The following PTPRD variants were observed in gnomAD, a reference collection of about 807,000 sequenced individuals.
The protein encoded by PTPRD is receptor-type tyrosine-protein phosphatase delta.
PTPRD carries 34 observed loss-of-function variants against 214.5 expected under a neutral mutation model. The ratio of observed to expected loss-of-function variants is 0.16; its 90% CI spans 0.12 to 0.21. The LOEUF (loss-of-function observed/expected upper bound fraction) is 0.21, where lower values mean the gene tolerates loss of function less well. Among genes scored for constraint, PTPRD ranks in the 10% least tolerant of loss-of-function variants. The probability of loss-of-function intolerance (pLI) is 1.00; values close to 1 mark genes in which losing one functional copy is unlikely to be tolerated. For synonymous variants in PTPRD, 1,128 were observed against 845.7 expected (o/e 1.33, Z -5.79); for missense variants, 2,545 against 2,398.7 (o/e 1.06, Z -1.27).
chr9:8,325,841 C>T (rs898637981), intron 44 of PTPRD, among the ~76,000 whole-genome samples: 4 of 152,064 alleles, frequency 2.6e-5, no homozygotes, highest in African/African-American at 7.2e-5. Flanking sequence ...TTTTTTGAAG[C>T]AATTGTGAAT....
chr9:8,343,573 C>A (rs896352902), intron 39 of PTPRD, among the ~76,000 whole-genome samples: 1 of 151,966 alleles, frequency 6.6e-6, no homozygotes, highest in Non-Finnish European at 1.5e-5. Flanking sequence ...GGCGAGTTTT[C>A]CCTGACATTC....
intron 14 of PTPRD, among the ~76,000 whole-genome samples, chr9:8,626,570 C>T (rs1397417503): frequency 5.3e-5 from 8 of 151,700 alleles, no homozygotes; most frequent in Non-Finnish European, 5.9e-5. Context: ...TTTTTGGATG[C>T]GATTAACATT....
chr9:9,394,020 A>T (rs190120479), intron 9 of PTPRD, among the ~76,000 whole-genome samples: 1 of 152,284 alleles, frequency 6.6e-6, no homozygotes, highest in Admixed American at 6.5e-5. Context: ...AACCTTTTTC[A>T]TTAAGACATT....
At chr9:10,097,346 A>G (rs4357352) in intron 3 of PTPRD, among the ~76,000 whole-genome samples, 8,527 of 80,100 alleles carry the variant, frequency 0.11, 747 homozygotes, top group East Asian at 0.17. Context: ...CCATTTTCAC[A>G]ACATTGATTC....
At chr9:9,776,195 G>A (rs546352007) in intron 5 of PTPRD, among the ~76,000 whole-genome samples, 8 of 152,128 alleles carry the variant, frequency 5.3e-5, no homozygotes, top group Non-Finnish European at 8.8e-5. Context: ...TTTCATTTTT[G>A]AATGTTTAGA....
intron 4 of PTPRD, among the ~76,000 whole-genome samples, chr9:9,969,830 C>G (rs748568368): frequency 1.8e-4 from 27 of 152,166 alleles, no homozygotes; most frequent in Admixed American, 1.3e-4. Context: ...TCTTCCCACC[C>G]AAGCCCAGTT....
intron 11 of PTPRD, among the ~76,000 whole-genome samples, chr9:8,936,440 A>AAAAAAAAAAAAAAAAAAG (rs2098998174): frequency 1.3e-5 from 2 of 149,960 alleles, no homozygotes; most frequent in Non-Finnish European, 3.0e-5. Context: ...AAAAAAAAAA[A>AAAAAAAAAAAAAAAAAAG]AAAAAAAAAA....
intron 4 of PTPRD, among the ~76,000 whole-genome samples, chr9:9,947,451 A>AC (rs2092817526): frequency 1.0e-3 from 38 of 38,054 alleles, no homozygotes; most frequent in Non-Finnish European, 1.1e-3. Flanking sequence ...TATTTTATAT[A>AC]TTTTTATATA....
At chr9:9,333,418 A>G (rs1328606793) in intron 9 of PTPRD, among the ~76,000 whole-genome samples, 1 of 150,316 alleles carries the variant, frequency 6.7e-6, no homozygotes, top group African/African-American at 2.4e-5. Context: ...AATAAAAGCT[A>G]CATAGAGAGC....
chr9:8,421,842 T>TG (rs61661952), intron 35 of PTPRD, among the ~76,000 whole-genome samples: 3 of 90,982 alleles, frequency 3.3e-5, no homozygotes, highest in African/African-American at 1.3e-4. Context: ...TTCACTGAAC[T>TG]TTTTTTTTTT....
intron 8 of PTPRD, among the ~76,000 whole-genome samples, chr9:9,428,881 A>G (rs1044883018): frequency 2.0e-5 from 3 of 152,240 alleles, no homozygotes; most frequent in Non-Finnish European, 4.4e-5. Flanking sequence ...ACATACAAGT[A>G]TCTCTGGGAC....
intron 3 of PTPRD, among the ~76,000 whole-genome samples, chr9:10,335,532 G>T (rs1270750403): frequency 6.6e-6 from 1 of 151,604 alleles, no homozygotes; most frequent in Non-Finnish European, 1.5e-5. Context: ...ATGATCTTGG[G>T]TTTGATGATG....
At chr9:10,359,576 T>C (rs1484770988) in intron 2 of PTPRD, among the ~76,000 whole-genome samples, 3 of 152,148 alleles carry the variant, frequency 2.0e-5, no homozygotes, top group Non-Finnish European at 4.4e-5. Flanking sequence ...CTTTTCTTTA[T>C]TTCTGAAAGC....
chr9:8,957,362 T>C (rs978711531), intron 11 of PTPRD, among the ~76,000 whole-genome samples: 6 of 151,886 alleles, frequency 4.0e-5, no homozygotes, highest in Middle Eastern at 3.4e-3. Flanking sequence ...TTCCACAGCA[T>C]GGATCTTCAT....
intron 5 of PTPRD, among the ~76,000 whole-genome samples, chr9:9,868,159 G>T (rs1455607170): frequency 6.6e-6 from 1 of 152,152 alleles, no homozygotes. Context: ...CTGAGTCCTA[G>T]TGAGTAGAAC....
chr9:10,291,876 C>T (rs1050866635), intron 3 of PTPRD, among the ~76,000 whole-genome samples: 1 of 152,000 alleles, frequency 6.6e-6, no homozygotes, highest in Non-Finnish European at 1.5e-5. Context: ...CACCTTGGAG[C>T]CACTCATTTA....
intron 11 of PTPRD, among the ~76,000 whole-genome samples, chr9:8,749,298 G>A (rs181335624): frequency 2.0e-5 from 3 of 152,038 alleles, no homozygotes; most frequent in East Asian, 2.0e-4. Context: ...CTACATTCTC[G>A]TGTCTCATCT....
At chr9:8,794,418 A>G (rs1347933248) in intron 11 of PTPRD, among the ~76,000 whole-genome samples, 1 of 152,134 alleles carries the variant, frequency 6.6e-6, no homozygotes, top group African/African-American at 2.4e-5. Context: ...TCTATATCAC[A>G]CTACTTTGAA....
At chr9:8,699,031 T>C (rs537975492) in intron 12 of PTPRD, among the ~76,000 whole-genome samples, 2 of 152,288 alleles carry the variant, frequency 1.3e-5, no homozygotes, top group African/African-American at 4.8e-5. Context: ...TTTTCTTCTT[T>C]AAGGATGGAT....
Sources: allele counts gnomAD v4.1 joint callset (sites outside exome capture counted in the v4.1 genomes callset), GRCh38; gene constraint gnomAD v4.1.1; transcripts MANE v1.5; gene names NCBI Gene and HGNC (gene_info 2026-07-23, HGNC 2026-07-21).